FSIP1: variants seen among roughly 807,000 people sequenced by gnomAD.
FSIP1 encodes fibrous sheath-interacting protein 1.
A neutral mutation model predicts 60.9 loss-of-function variants in FSIP1; 65 were observed. The ratio of observed to expected loss-of-function variants is 1.07; its 90% CI spans 0.87 to 1.31. The LOEUF (loss-of-function observed/expected upper bound fraction) is 1.31, where lower values mean the gene tolerates loss of function less well. Among genes scored for constraint, FSIP1 ranks in the 40% most tolerant of loss-of-function variants. The pLI, the probability that FSIP1 is intolerant of heterozygous loss-of-function variation, is 0.00. For missense variants in FSIP1, 675 were observed against 665.5 expected, an observed-to-expected ratio of 1.01 and a Z score of -0.16; for synonymous variants, 209 against 221.2, an observed-to-expected ratio of 0.94 and a Z score of 0.49.
chr15:39,663,173 T>C (rs1893366309), intron 10 of FSIP1, among the ~76,000 whole-genome samples: 1 of 152,142 alleles, frequency 6.6e-6, no homozygotes, highest in Non-Finnish European at 1.5e-5. Context: ...CTAAATACCA[T>C]ATAATAGTGA....
chr15:39,686,511 C>T (rs1476799351), intron 10 of FSIP1, among the ~76,000 whole-genome samples: 1 of 152,196 alleles, frequency 6.6e-6, no homozygotes, highest in Non-Finnish European at 1.5e-5. Flanking sequence ...CAATGTAGAA[C>T]TGAGATAAAT....
At chr15:39,680,606 T>C (rs1317383647) in intron 10 of FSIP1, among the ~76,000 whole-genome samples, 1 of 152,218 alleles carries the variant, frequency 6.6e-6, no homozygotes, top group Non-Finnish European at 1.5e-5. Flanking sequence ...AGTAGATACA[T>C]GAGCATCAAG....
chr15:39,755,067 A>T (rs528386812), intron 5 of FSIP1, among the ~76,000 whole-genome samples: 32 of 144,242 alleles, frequency 2.2e-4, no homozygotes, highest in East Asian at 2.2e-3. Context: ...GAGTAAGATT[A>T]AAAAAAAAAA....
At chr15:39,775,093 G>T (rs999283325) in intron 2 of FSIP1, among the ~76,000 whole-genome samples, 1 of 152,182 alleles carries the variant, frequency 6.6e-6, no homozygotes, top group Non-Finnish European at 1.5e-5. Context: ...ACAACTCATT[G>T]CAGCCTTGAA....
At chr15:39,705,639 CAT>C (rs1339032895) in intron 10 of FSIP1, among the ~76,000 whole-genome samples, 5 of 151,894 alleles carry the variant, frequency 3.3e-5, no homozygotes, top group Non-Finnish European at 5.9e-5. Context: ...ATATATATAA[CAT>C]AGTTGATAAA....
chr15:39,694,558 T>C (rs1449475603), intron 10 of FSIP1, among the ~76,000 whole-genome samples: 1 of 152,168 alleles, frequency 6.6e-6, no homozygotes, highest in Non-Finnish European at 1.5e-5. Flanking sequence ...CCCAGCACTT[T>C]GGGAGGCGAA....
At position 39,737,878 on chromosome 15, in the gene FSIP1, T is replaced by C. The variant is rs1408161126; in HGVS notation, c.891+213A>G. Among the ~76,000 whole-genome samples, 3 of 152,146 alleles carry C rather than the reference T, an allele frequency of 2.0e-5. No individual in the cohort carries two copies. In the East Asian group the frequency reaches 5.8e-4, roughly 29 times the overall value. ...TGTGTCGCTCCCCTCTATGAGTCCA[T>C]GTGTTCTCATCATTTAGTTCCCACT... On this transcript the variant is annotated intron_variant, in intron 8 of 11. Coordinates refer to ENST00000350221, the MANE Select transcript of FSIP1 (RefSeq NM_152597.5).
chr15:39,758,710 T>A (rs1347151363), intron 5 of FSIP1, among the ~76,000 whole-genome samples: 1 of 151,928 alleles, frequency 6.6e-6, no homozygotes, highest in Non-Finnish European at 1.5e-5. Context: ...TTTTAAAAAA[T>A]AATGTAGTCA....
chr15:39,640,476 C>A (rs1185436480), intron 10 of FSIP1, among the ~76,000 whole-genome samples: 2 of 152,178 alleles, frequency 1.3e-5, no homozygotes, highest in Non-Finnish European at 2.9e-5. Context: ...CATGAACCAT[C>A]TAATTCAACC....
chr15:39,775,914 C>G (rs41424848), intron 2 of FSIP1, among the ~76,000 whole-genome samples: 13,339 of 151,754 alleles, frequency 0.088, 694 homozygotes, highest in African/African-American at 0.12. Flanking sequence ...ATATACCTAC[C>G]CAATATACAT....
intron 3 of FSIP1, among the ~76,000 whole-genome samples, chr15:39,768,148 C>A (rs1897755888): frequency 6.6e-6 from 1 of 152,204 alleles, no homozygotes; most frequent in Admixed American, 6.5e-5. Context: ...GGGGTTTGAG[C>A]AGGGAAGCAC....
At chr15:39,625,793 G>T (rs74008648) in intron 10 of FSIP1, among the ~76,000 whole-genome samples, 1 of 152,040 alleles carries the variant, frequency 6.6e-6, no homozygotes. Context: ...GCCTAAAAAG[G>T]GGCCCCTGAT....
Position 39,618,556 on chromosome 15 carries a change from T to C in FSIP1, c.1189-311A>G, listed in dbSNP as rs1028321303. Among the ~76,000 whole-genome samples, 3 of 152,172 alleles carry C rather than the reference T, an allele frequency of 2.0e-5. No homozygotes were observed. The East Asian group carries it at 5.8e-4, about 29-fold the overall frequency. On this transcript the variant is annotated intron_variant, in intron 10 of 11. Coordinates refer to ENST00000350221, the MANE Select transcript of FSIP1 (RefSeq NM_152597.5). The stretch of plus-strand genomic sequence containing the variant: ...TACCTCTGGGGATTCAGCACTCCCA[T>C]GTCTGTCCACAACTATCAGTGGACA...
At chr15:39,704,343 C>T (rs1322067635) in intron 10 of FSIP1, among the ~76,000 whole-genome samples, 1 of 152,200 alleles carries the variant, frequency 6.6e-6, no homozygotes, top group Non-Finnish European at 1.5e-5. Context: ...TGTACGAATG[C>T]CAAAGCACAC....
At chr15:39,611,060 T>C (rs1245989551) in intron 11 of FSIP1, among the ~76,000 whole-genome samples, 1 of 152,152 alleles carries the variant, frequency 6.6e-6, no homozygotes, top group Non-Finnish European at 1.5e-5. Flanking sequence ...AAGTAAGACA[T>C]AGTCATATTC....
intron 5 of FSIP1, among the ~76,000 whole-genome samples, chr15:39,747,037 C>A (rs373870552): frequency 0.16 from 20,729 of 133,488 alleles, 1,780 homozygotes; most frequent in Admixed American, 0.29. Context: ...CCCTCCTTCC[C>A]TCCTTCCATT....
At chr15:39,752,240 A>G (rs917853652) in intron 5 of FSIP1, among the ~76,000 whole-genome samples, 16 of 152,106 alleles carry the variant, frequency 1.1e-4, no homozygotes, top group African/African-American at 3.9e-4. Context: ...ATATATTTAA[A>G]TCCTTAGTCC....
chr15:39,634,887 G>A (rs555988279), intron 10 of FSIP1, among the ~76,000 whole-genome samples: 155 of 152,256 alleles, frequency 1.0e-3, no homozygotes, highest in African/African-American at 3.5e-3. Context: ...CAATATATTG[G>A]ACTAACATGG....
chr15:39,730,560 T>C (rs1355022162), intron 8 of FSIP1, among the ~76,000 whole-genome samples: 2 of 152,318 alleles, frequency 1.3e-5, no homozygotes. Context: ...AGGTAAAAAC[T>C]TTATGCACAA....
Sources: allele counts gnomAD v4.1 joint callset (sites outside exome capture counted in the v4.1 genomes callset), GRCh38; gene constraint gnomAD v4.1.1; transcripts MANE v1.5; gene names NCBI Gene and HGNC (gene_info 2026-07-23, HGNC 2026-07-21).